Variants in CADM2 observed in about 807,000 individuals in gnomAD.
CADM2 encodes cell adhesion molecule 2.
A neutral mutation model predicts 49.8 loss-of-function variants in CADM2; 12 were observed. The ratio of observed to expected loss-of-function variants is 0.24; its 90% CI spans 0.15 to 0.39. The LOEUF is 0.39. CADM2 is among the 10% of genes least tolerant of loss of function. The pLI, the probability that CADM2 is intolerant of heterozygous loss-of-function variation, is 1.00. For synonymous variants in CADM2, 214 were observed against 175.4 expected (o/e 1.22, Z -1.74); for missense variants, 378 against 492.3 (o/e 0.77, Z 2.20).
chr3:85,885,015 G>T (rs1293511486), intron 4 of CADM2, among the ~76,000 whole-genome samples: 3 of 151,152 alleles, frequency 2.0e-5, no homozygotes, highest in Non-Finnish European at 4.4e-5. Flanking sequence ...CACCGTACCT[G>T]GCCATAAAAT....
chr3:85,971,108 G>C (rs1726070054), intron 8 of CADM2, among the ~76,000 whole-genome samples: 1 of 151,372 alleles, frequency 6.6e-6, no homozygotes, highest in South Asian at 2.1e-4. Flanking sequence ...TACATATTAA[G>C]ATCATTTTTT....
intron 1 of CADM2, among the ~76,000 whole-genome samples, chr3:85,390,386 T>TATTG (rs1331306594): frequency 1.3e-5 from 2 of 152,084 alleles, no homozygotes; most frequent in Non-Finnish European, 2.9e-5. Context: ...TTTTCCAAGG[T>TATTG]ATTGAAGTGT....
chr3:85,542,257 T>C (rs1250250972), intron 1 of CADM2, among the ~76,000 whole-genome samples: 1 of 152,114 alleles, frequency 6.6e-6, no homozygotes, highest in East Asian at 1.9e-4. Context: ...AAAAGAGATA[T>C]CTTACTGCTA....
chr3:85,153,336 G>A (rs561536593), intron 1 of CADM2, among the ~76,000 whole-genome samples: 56 of 152,306 alleles, frequency 3.7e-4, no homozygotes, highest in Admixed American at 1.5e-3. Flanking sequence ...ATGGCACCTG[G>A]AAAATTGGGT....
Position 85,789,492 on chromosome 3 carries a change from A to G in CADM2, c.89-12555A>G, listed in dbSNP as rs191780251. On this transcript the variant is annotated intron_variant, in intron 2 of 9. Coordinates refer to ENST00000383699, the MANE Select transcript of CADM2 (RefSeq NM_001167675.2). ...ATTCTTTTATATTGCCTTGAGAGAC[A>G]TACAATTTTCTTTTCATTTTGAAAT... Among the ~76,000 whole-genome samples, 350 of 152,334 alleles carry G rather than the reference A, an allele frequency of 2.3e-3. 3 individuals carry two copies. Among genetic ancestry groups the G allele is most frequent in the East Asian group, 7.7e-4 (4 of 5,184 alleles).
At chr3:85,206,508 C>G (rs867052064) in intron 1 of CADM2, among the ~76,000 whole-genome samples, 2 of 151,868 alleles carry the variant, frequency 1.3e-5, no homozygotes, top group Middle Eastern at 3.2e-3. Flanking sequence ...GGGGTTTCAC[C>G]GTGTTAGCCA....
At chr3:85,660,956 T>C (rs1330841291) in intron 1 of CADM2, among the ~76,000 whole-genome samples, 4 of 151,972 alleles carry the variant, frequency 2.6e-5, no homozygotes, top group Non-Finnish European at 4.4e-5. Flanking sequence ...TGCTCAATTG[T>C]AATTTTCATT....
At chr3:85,312,287 T>C (rs1472025487) in intron 1 of CADM2, among the ~76,000 whole-genome samples, 1 of 152,144 alleles carries the variant, frequency 6.6e-6, no homozygotes, top group Non-Finnish European at 1.5e-5. Context: ...TAATTTAAAA[T>C]TAATGACATA....
chr3:85,544,576 CAAAAAA>C (rs2061621509), intron 1 of CADM2, among the ~76,000 whole-genome samples: 1 of 151,474 alleles, frequency 6.6e-6, no homozygotes, highest in Non-Finnish European at 1.5e-5. Flanking sequence ...GACTCCGTCT[CAAAAAA>C]TAAAAATAAA....
At chr3:85,960,341 T>C (rs1167246703) in intron 7 of CADM2, among the ~76,000 whole-genome samples, 1 of 151,938 alleles carries the variant, frequency 6.6e-6, no homozygotes, top group Non-Finnish European at 1.5e-5. Flanking sequence ...ATAAATTCAA[T>C]ATTTCTATCA....
chr3:85,169,587 C>T (rs1264821130), intron 1 of CADM2, among the ~76,000 whole-genome samples: 1 of 151,886 alleles, frequency 6.6e-6, no homozygotes, highest in Non-Finnish European at 1.5e-5. Context: ...GCCTGGCCAA[C>T]ATGGTGAAAT....
chr3:85,599,209 C>T (rs1444029869), intron 1 of CADM2, among the ~76,000 whole-genome samples: 6 of 151,926 alleles, frequency 3.9e-5, no homozygotes, highest in Non-Finnish European at 8.8e-5. Flanking sequence ...ACCCTTTGAT[C>T]GATACCTTTT....
chr3:85,327,342 A>T (rs9872078), intron 1 of CADM2, among the ~76,000 whole-genome samples: 1 of 151,670 alleles, frequency 6.6e-6, no homozygotes, highest in Non-Finnish European at 1.5e-5. Context: ...TGCAACCTCC[A>T]CCTCCCGAGT....
At chr3:85,834,121 T>G (rs1451159747) in intron 3 of CADM2, among the ~76,000 whole-genome samples, 1 of 151,700 alleles carries the variant, frequency 6.6e-6, no homozygotes, top group Admixed American at 6.6e-5. Flanking sequence ...AAGTTCTTCT[T>G]ATGATTGTCA....
intron 1 of CADM2, among the ~76,000 whole-genome samples, chr3:85,563,580 G>A (rs4856592): frequency 0.51 from 77,505 of 151,576 alleles, 22,839 homozygotes; most frequent in East Asian, 0.85. Context: ...TTTGAGAACT[G>A]TGAACTATAT....
intron 1 of CADM2, among the ~76,000 whole-genome samples, chr3:85,719,683 A>G (rs574038644): frequency 5.3e-5 from 8 of 151,518 alleles, no homozygotes; most frequent in African/African-American, 2.0e-4. Flanking sequence ...TGGTTATTCT[A>G]TCTCAGGGAT....
intron 4 of CADM2, 91 bp from the exon 5 acceptor site, chr3:85,886,099 T>G (rs1236392898): frequency 1.4e-5 from 22 of 1,546,348 alleles, no homozygotes; most frequent in Non-Finnish European, 1.8e-5. Flanking sequence ...CAATTAACCA[T>G]CCAGTTCAGT....
intron 1 of CADM2, among the ~76,000 whole-genome samples, chr3:85,074,347 T>C (rs148630313): frequency 1.3e-5 from 2 of 152,224 alleles, no homozygotes; most frequent in African/African-American, 4.8e-5. Context: ...TGACTCATTA[T>C]TGAGAAAATC....
intron 3 of CADM2, among the ~76,000 whole-genome samples, chr3:85,879,749 A>G (rs1030957581): frequency 6.6e-6 from 1 of 152,220 alleles, no homozygotes; most frequent in African/African-American, 2.4e-5. Flanking sequence ...AACAGCTGTA[A>G]AGCTATGAAA....
Sources: gnomAD v4.1 joint callset for allele counts (sites outside exome capture counted in the v4.1 genomes callset) on GRCh38, gnomAD v4.1.1 for gene constraint, MANE v1.5 for transcripts, NCBI Gene and HGNC (gene_info 2026-07-23, HGNC 2026-07-21) for gene names.